Variants in LRRC66 observed in about 807,000 individuals in gnomAD.
LRRC66 encodes leucine rich repeat containing 66.
A neutral mutation model predicts 24.6 loss-of-function variants in LRRC66; 29 were observed. The observed-to-expected ratio is 1.18, with a 90% CI of 0.88 to 1.61. The LOEUF (loss-of-function observed/expected upper bound fraction) is 1.61, where lower values mean the gene tolerates loss of function less well. Among genes scored for constraint, LRRC66 ranks in the 40% most tolerant of loss-of-function variants. LRRC66 has a pLI of 0.00. For synonymous variants in LRRC66, 411 were observed against 397.6 expected (o/e 1.03, Z -0.40); for missense variants, 1,124 against 1,058.0 (o/e 1.06, Z -0.87).
At chr4:52,015,831 T>C (rs1388584248) in intron 2 of LRRC66, among the ~76,000 whole-genome samples, 1 of 152,218 alleles carries the variant, frequency 6.6e-6, no homozygotes, top group East Asian at 1.9e-4. Flanking sequence ...ATTGCTTAAT[T>C]ATATAAAGTT....
At chr4:52,005,446 C>A (rs141520994) in intron 2 of LRRC66, among the ~76,000 whole-genome samples, 2 of 152,146 alleles carry the variant, frequency 1.3e-5, no homozygotes, top group African/African-American at 2.4e-5. Flanking sequence ...CCAGCCTGGG[C>A]AACGTGGTGA....
chr4:51,995,971 G>T lies in LRRC66; in HGVS notation c.1051C>A (p.Arg351=), dbSNP rs143922811. The change falls in exon 5 of 5, where the codon CGG becomes AGG. Residue 351 remains arginine (R), a synonymous_variant. Coordinates refer to ENST00000682860, the MANE Select transcript of LRRC66 (RefSeq NM_001024611.3). ...GTGCTTCTAACACTCCTTGGCAGCC[G>T]TCTCTGCTTCTTCCTGAGACCAGAG... ...AGSGLRKKQR[R]LPRSVRSTRD... The T allele has an allele frequency of 6.2e-7, 1 of 1,613,936 alleles. No homozygotes were observed.
At chr4:51,996,389 G>A (rs1695659075) in intron 4 of LRRC66, among the ~76,000 whole-genome samples, 1 of 151,640 alleles carries the variant, frequency 6.6e-6, no homozygotes, top group Admixed American at 6.6e-5. Context: ...TGGGACTACA[G>A]GTGTGTGTCA....
rs762875549 is a variant in LRRC66 at position 51,997,953 on chromosome 4, C to A, written c.667-16G>T. On this transcript the variant is annotated splice_polypyrimidine_tract_variant and intron_variant, in intron 3 of 4. Coordinates refer to ENST00000682860, the MANE Select transcript of LRRC66 (RefSeq NM_001024611.3). ...GGTCTATGACCTGTTTGAGAAGAAA[C>A]AAGTTTAGGATGGTCTGTGGATAAA... The A allele has an allele frequency of 2.5e-6, 4 of 1,606,204 alleles. No individual in the cohort carries two copies. The African/African-American group carries it at 5.3e-5, about 21-fold the overall frequency.
At chr4:51,997,667 C>G in intron 4 of LRRC66, 81 bp downstream of exon 4, 1 of 1,313,592 alleles carries the variant, frequency 7.6e-7, no homozygotes, top group South Asian at 1.3e-5. Flanking sequence ...TGGGGACTGT[C>G]ATTATTTCAA....
At chr4:52,006,090 G>A (rs949229325) in intron 2 of LRRC66, among the ~76,000 whole-genome samples, 1 of 152,164 alleles carries the variant, frequency 6.6e-6, no homozygotes, top group Admixed American at 6.5e-5. Context: ...TAATTGAATT[G>A]AGTAAGTGCC....
intron 2 of LRRC66, among the ~76,000 whole-genome samples, chr4:52,012,891 A>T (rs1432865387): frequency 6.6e-6 from 1 of 152,256 alleles, no homozygotes; most frequent in African/African-American, 2.4e-5. Context: ...CTCAGACATT[A>T]CACTTAGTAA....
At chr4:52,000,746 G>A (rs1167765474) in intron 3 of LRRC66, among the ~76,000 whole-genome samples, 3 of 152,184 alleles carry the variant, frequency 2.0e-5, no homozygotes, top group East Asian at 1.9e-4. Flanking sequence ...GAATCCTGCC[G>A]ACGGCCACGT....
chr4:52,010,289 G>A (rs1736670780), intron 2 of LRRC66, among the ~76,000 whole-genome samples: 1 of 152,124 alleles, frequency 6.6e-6, no homozygotes, highest in Non-Finnish European at 1.5e-5. Context: ...TTTCCCCACA[G>A]TTCACAAAAT....
rs566347456 is a variant in LRRC66 at position 52,018,315 on chromosome 4, T to A, written c.-5-697A>T. 9.1e-6 allele frequency: 9 copies of A among 984,862 alleles called. No individual in the cohort carries two copies. The East Asian group carries it at 5.7e-4, about 62-fold the overall frequency. The allele number at this position is 984,862 out of a possible 1,614,324, so 61.0% of individuals were successfully genotyped here. A position where few individuals can be genotyped will look rare whatever the true frequency, so the allele number is the denominator to read the frequency against. Reference sequence around the variant, plus strand: ...TGTACCAAACATTTTTGAGAAAAAATTCAAAGTTTTTAAAAAGAAGTGTGT... The same window carrying A: ...TGTACCAAACATTTTTGAGAAAAAAATCAAAGTTTTTAAAAAGAAGTGTGT... On this transcript the variant is annotated intron_variant, in intron 1 of 4. Transcript: ENST00000682860.
intron 2 of LRRC66, among the ~76,000 whole-genome samples, chr4:52,004,913 GAGTT>G (rs1180042658): frequency 6.6e-6 from 1 of 152,180 alleles, no homozygotes; most frequent in East Asian, 1.9e-4. Flanking sequence ...ACTCTTTAAA[GAGTT>G]TAATATGGTC....
At chr4:52,001,263 A>G (rs996073747) in intron 3 of LRRC66, among the ~76,000 whole-genome samples, 4 of 152,200 alleles carry the variant, frequency 2.6e-5, no homozygotes, top group African/African-American at 9.7e-5. Flanking sequence ...CTGGAGGCCC[A>G]GGGAAGGAAT....
In LRRC66 at chr4:52,017,583, T is replaced by C. The variant is rs201283430; in HGVS notation, c.31A>G (p.Ile11Val). 6.3e-6 allele frequency: 10 copies of C among 1,588,142 alleles called. No individual in the cohort carries two copies. The Admixed American group carries it at 1.3e-4, about 20-fold the overall frequency. MKNLYFRVITIVIGLYFTGIM... is the reference protein window; with the variant it reads MKNLYFRVITVVIGLYFTGIM... The stretch of plus-strand genomic sequence containing the variant: ...CCAGTAAAATAAAGACCTATAACTA[T>C]GGTAATGACTCTGAAATAGAGGTTT... Residue 11 changes from isoleucine (I) to valine (V), a missense_variant, in exon 2 of 5, where the codon ATA (isoleucine) becomes GTA (valine). Physicochemically the swap from Ile to Val is conservative, Grantham distance 29. Coordinates refer to ENST00000682860, the MANE Select transcript of LRRC66 (RefSeq NM_001024611.3).
intron 3 of LRRC66, among the ~76,000 whole-genome samples, chr4:52,000,484 T>A (rs1736423438): frequency 6.6e-6 from 1 of 152,190 alleles, no homozygotes; most frequent in Admixed American, 6.5e-5. Flanking sequence ...CTCCTTCCCT[T>A]GGGTGCAGGC....
At position 51,994,966 on chromosome 4, in the gene LRRC66, G is replaced by A. The variant is rs756358308; in HGVS notation, c.2056C>T (p.Pro686Ser). 1 of 1,614,106 alleles carries A rather than the reference G, an allele frequency of 6.2e-7. No homozygotes were observed. The highest frequency in any genetic ancestry group is 8.5e-7 in the Non-Finnish European group (1 of 1,180,032). ...GLDVTPANKE[P>S]VQKSTPSDTC... is the part of the protein sequence containing the mutation. ...TCAGAAGGAGTGGATTTCTGCACTG[G>A]TTCCTTGTTAGCAGGAGTGACATCC... is the stretch of plus-strand genomic sequence containing the variant. The change falls in exon 5 of 5, where the codon CCA becomes TCA. Residue 686 changes from proline to serine, a missense_variant. Pro to Ser is a moderately conservative substitution (Grantham distance 74, BLOSUM62 -1). Coordinates refer to ENST00000682860, the MANE Select transcript of LRRC66 (RefSeq NM_001024611.3).
intron 2 of LRRC66, among the ~76,000 whole-genome samples, chr4:52,004,251 C>T (rs1736524240): frequency 6.6e-6 from 1 of 152,136 alleles, no homozygotes; most frequent in Non-Finnish European, 1.5e-5. Flanking sequence ...TCAAGTGATC[C>T]ACCGCCTTGG....
chr4:52,013,137 T>A (rs1230807340), intron 2 of LRRC66, among the ~76,000 whole-genome samples: 5 of 152,214 alleles, frequency 3.3e-5, no homozygotes, highest in African/African-American at 4.8e-5. Flanking sequence ...TACTTTTTGT[T>A]TCTTTAGAAC....
chr4:52,007,511 G>A (rs778829610), intron 2 of LRRC66, among the ~76,000 whole-genome samples: 1 of 149,564 alleles, frequency 6.7e-6, no homozygotes, highest in Admixed American at 6.6e-5. Flanking sequence ...GATGTGAGCC[G>A]AAGAAAATCA....
At chr4:52,010,627 G>A (rs988571089) in intron 2 of LRRC66, among the ~76,000 whole-genome samples, 3 of 152,072 alleles carry the variant, frequency 2.0e-5, no homozygotes, top group African/African-American at 7.2e-5. Context: ...TGCTGCAAAC[G>A]ACATGATTTC....
Sources: allele counts gnomAD v4.1 joint callset (sites outside exome capture counted in the v4.1 genomes callset), GRCh38; gene constraint gnomAD v4.1.1; transcripts MANE v1.5; gene names NCBI Gene and HGNC (gene_info 2026-07-23, HGNC 2026-07-21).